The following CCSER1 variants were observed in gnomAD, a reference collection of about 807,000 sequenced individuals.
CCSER1 encodes coiled-coil serine rich protein 1, also known as serine-rich coiled-coil domain-containing protein 1.
A neutral mutation model predicts 82.0 loss-of-function variants in CCSER1; 41 were observed. That is an observed-to-expected ratio of 0.50 (90% CI 0.39 to 0.65). The LOEUF is 0.65. CCSER1 is among the 30% of genes least tolerant of loss of function. CCSER1 has a pLI of 0.00. For synonymous variants in CCSER1, 414 were observed against 383.9 expected (o/e 1.08, Z -0.92); for missense variants, 1,119 against 1,064.2 (o/e 1.05, Z -0.72).
chr4:90,863,103 C>A lies in CCSER1; in HGVS notation c.2094+47258C>A, dbSNP rs539231074. ...ATCCCTCCCCGCTCCCCCCACCCCACAACAGTCCCCAGAGTGTGATGTTCC... is the reference window on the plus strand; with the variant it reads ...ATCCCTCCCCGCTCCCCCCACCCCAAAACAGTCCCCAGAGTGTGATGTTCC... On this transcript the variant is annotated intron_variant, in intron 8 of 10. Transcript: ENST00000509176. 6.3e-4 allele frequency among the ~76,000 whole-genome samples: 96 copies of A among 151,184 alleles called. 2 individuals are homozygous for A. In the South Asian group the frequency reaches 0.011, roughly 18 times the overall value.
At chr4:91,394,756 T>G (rs2149353423) in intron 10 of CCSER1, among the ~76,000 whole-genome samples, 1 of 152,128 alleles carries the variant, frequency 6.6e-6, no homozygotes, top group South Asian at 2.1e-4. Flanking sequence ...AGTATTCACT[T>G]AGTAAAGCAT....
At chr4:90,607,196 G>A (rs1784839327) in intron 5 of CCSER1, among the ~76,000 whole-genome samples, 2 of 152,128 alleles carry the variant, frequency 1.3e-5, no homozygotes, top group Non-Finnish European at 2.9e-5. Flanking sequence ...TAGTACCTCA[G>A]TATTTGAAAG....
At chr4:90,602,798 GAA>G (rs1784185581) in intron 5 of CCSER1, among the ~76,000 whole-genome samples, 2 of 152,186 alleles carry the variant, frequency 1.3e-5, no homozygotes, top group African/African-American at 4.8e-5. Flanking sequence ...TTATCACTGA[GAA>G]GGAACAAGTG....
At chr4:90,512,370 A>C (rs966789204) in intron 5 of CCSER1, among the ~76,000 whole-genome samples, 2 of 149,710 alleles carry the variant, frequency 1.3e-5, no homozygotes, top group Non-Finnish European at 3.0e-5. Context: ...ATGGTTTATA[A>C]ATTCTTTGAT....
rs552038247 is a variant in CCSER1 at position 91,258,953 on chromosome 4, G to A, written c.2217+172959G>A. On this transcript the variant is annotated intron_variant, in intron 10 of 10. Transcript: ENST00000509176. ...TCCTTTTCATACATCTATGAAGTAG[G>A]AACCTGAGAGCGATTGCTCAAAAAT... is the stretch of plus-strand genomic sequence containing the variant. 3.3e-5 allele frequency among the ~76,000 whole-genome samples: 5 copies of A among 152,170 alleles called. No individual in the cohort carries two copies. The South Asian group carries it at 1.0e-3, about 32-fold the overall frequency.
intron 3 of CCSER1, among the ~76,000 whole-genome samples, chr4:90,328,473 G>C (rs1738628214): frequency 6.6e-6 from 1 of 152,026 alleles, no homozygotes; most frequent in Admixed American, 6.5e-5. Context: ...CAGCAATTCT[G>C]TCATTTAAAG....
chr4:90,350,216 A>G (rs1004972525), intron 3 of CCSER1, among the ~76,000 whole-genome samples: 11 of 152,258 alleles, frequency 7.2e-5, no homozygotes, highest in Admixed American at 1.3e-4. Context: ...GAGAAGACGA[A>G]TATGAACTGA....
Position 90,970,102 on chromosome 4 carries a change from C to T in CCSER1, c.2172+46655C>T, listed in dbSNP as rs536384318. ...GGTAATTTTCCAAATCTAGTCATTA[C>T]CTATATAATTATTGAAAATATAAAT... On this transcript the variant is annotated intron_variant, in intron 9 of 10. Transcript: ENST00000509176. Among the ~76,000 whole-genome samples, 133 of 151,694 alleles carry T rather than the reference C, an allele frequency of 8.8e-4. 3 individuals are homozygous for T. In the South Asian group the frequency reaches 0.024, roughly 28 times the overall value.
intron 6 of CCSER1, among the ~76,000 whole-genome samples, chr4:90,712,230 A>G (rs1049721687): frequency 5.3e-5 from 8 of 151,754 alleles, no homozygotes; most frequent in Non-Finnish European, 8.8e-5. Flanking sequence ...TTTACTTGTG[A>G]TATTAGGTTT....
intron 9 of CCSER1, among the ~76,000 whole-genome samples, chr4:90,948,159 G>A (rs141841177): frequency 5.7e-4 from 86 of 151,690 alleles, no homozygotes; most frequent in East Asian, 1.2e-3. Flanking sequence ...ATTAATTTGC[G>A]AATTCCTACT....
intron 1 of CCSER1, among the ~76,000 whole-genome samples, chr4:90,168,688 A>G (rs1367897313): frequency 6.6e-6 from 1 of 152,004 alleles, no homozygotes; most frequent in African/African-American, 2.4e-5. Flanking sequence ...TCAGCTTTCT[A>G]CATATGGCTA....
chr4:90,266,422 A>T (rs12651457), intron 1 of CCSER1, among the ~76,000 whole-genome samples: 24,147 of 148,448 alleles, frequency 0.16, 2,516 homozygotes, highest in East Asian at 0.3. Flanking sequence ...AAAATTGGGA[A>T]TTTTTTTTTT....
intron 5 of CCSER1, among the ~76,000 whole-genome samples, chr4:90,486,136 A>G (rs895683814): frequency 6.6e-6 from 1 of 152,186 alleles, no homozygotes; most frequent in Admixed American, 6.5e-5. Flanking sequence ...ATGGGCTTTG[A>G]TTCCAAGAAC....
rs559327137 is a variant in CCSER1 at position 90,647,250 on chromosome 4, G to A, written c.1932+19018G>A. On this transcript the variant is annotated intron_variant, in intron 6 of 10. Transcript: ENST00000509176. ...ACCATGTGCAGAGTGAGCCAGTTTG[G>A]CCACTGCCACAAGCGCTGTGGTATT... Among the ~76,000 whole-genome samples the A allele has an allele frequency of 3.9e-5, 6 of 152,242 alleles. No individual in the cohort carries two copies. The East Asian group carries it at 1.2e-3, about 29-fold the overall frequency.
chr4:90,849,894 G>A (rs7670956), intron 8 of CCSER1, among the ~76,000 whole-genome samples: 3,758 of 152,138 alleles, frequency 0.025, 126 homozygotes, highest in African/African-American at 0.078. Context: ...AAGACAGTGG[G>A]GAAAATGTCC....
At chr4:90,278,730 C>G (rs934745849) in intron 1 of CCSER1, among the ~76,000 whole-genome samples, 4 of 151,986 alleles carry the variant, frequency 2.6e-5, no homozygotes, top group African/African-American at 9.7e-5. Flanking sequence ...GGGTACTATG[C>G]TCACTACCTG....
At chr4:91,530,864 T>A (rs1255906708) in intron 10 of CCSER1, among the ~76,000 whole-genome samples, 2 of 152,148 alleles carry the variant, frequency 1.3e-5, no homozygotes, top group African/African-American at 2.4e-5. Flanking sequence ...ATTTTGTATT[T>A]TTAGCAGAGA....
At chr4:90,839,075 G>T (rs769378879) in intron 8 of CCSER1, 3 of 1,580,802 alleles carry the variant, frequency 1.9e-6, no homozygotes, top group Non-Finnish European at 2.6e-6. Flanking sequence ...GCGCGAGTAC[G>T]AGCGAAGTCT....
At chr4:90,323,272 G>A (rs752782410) in intron 3 of CCSER1, among the ~76,000 whole-genome samples, 15 of 152,160 alleles carry the variant, frequency 9.9e-5, no homozygotes, top group Non-Finnish European at 2.1e-4. Context: ...ACTGGGTCAT[G>A]TGTACCCCAA....
Sources: gnomAD v4.1 joint callset for allele counts (sites outside exome capture counted in the v4.1 genomes callset) on GRCh38, gnomAD v4.1.1 for gene constraint, MANE v1.5 for transcripts, NCBI Gene and HGNC (gene_info 2026-07-23, HGNC 2026-07-21) for gene names.